TBC1D7: variants seen among roughly 807,000 people sequenced by gnomAD.
The protein encoded by TBC1D7 is TBC domain family 7.
A neutral mutation model predicts 35.3 loss-of-function variants in TBC1D7; 33 were observed. The ratio of observed to expected loss-of-function variants is 0.93; its 90% CI spans 0.71 to 1.25. The LOEUF (loss-of-function observed/expected upper bound fraction) is 1.25. Among genes scored for constraint, TBC1D7 ranks in the 50% most tolerant of loss-of-function variants. The probability of loss-of-function intolerance (pLI) is 0.00; values close to 1 mark genes in which losing one functional copy is unlikely to be tolerated. For synonymous variants in TBC1D7, 135 were observed against 129.5 expected, an observed-to-expected ratio of 1.04 and a Z score of -0.29; for missense variants, 362 against 365.3, an observed-to-expected ratio of 0.99 and a Z score of 0.07.
intron 6 of TBC1D7, 103 bp from the exon 7 acceptor site, chr6:13,306,630 G>T: frequency 1.0e-6 from 1 of 971,532 alleles, no homozygotes; most frequent in Non-Finnish European, 1.4e-6. Context: ...CCAATTTTAT[G>T]TAAAAGCTTC....
chr6:13,310,331 T>C (rs1783104075), intron 5 of TBC1D7, among the ~76,000 whole-genome samples: 1 of 152,170 alleles, frequency 6.6e-6, no homozygotes. Context: ...ACAGTATGAA[T>C]ATATTAACCT....
chr6:13,324,822 G>A (rs895530242), intron 3 of TBC1D7, among the ~76,000 whole-genome samples: 2 of 152,124 alleles, frequency 1.3e-5, no homozygotes, highest in African/African-American at 2.4e-5. Flanking sequence ...CTTCCTCCAG[G>A]TTACCCAGCT....
chr6:13,316,468 G>A, intron 5 of TBC1D7, 103 bp downstream of exon 5: 1 of 1,230,810 alleles, frequency 8.1e-7, no homozygotes, highest in South Asian at 1.4e-5. Flanking sequence ...ACTATAAAGG[G>A]TTATTCAGAA....
intron 4 of TBC1D7, among the ~76,000 whole-genome samples, chr6:13,317,845 G>T (rs1340260716): frequency 6.6e-6 from 1 of 152,232 alleles, no homozygotes; most frequent in Admixed American, 6.5e-5. Flanking sequence ...ATTAAAAAAT[G>T]AGGCAGAGTG....
intron 5 of TBC1D7, 59 bp from the exon 6 acceptor site, chr6:13,307,804 TTA>T: frequency 6.6e-7 from 1 of 1,520,758 alleles, no homozygotes; most frequent in Non-Finnish European, 9.0e-7. Context: ...TCATCTGATA[TTA>T]TAGTCTCTGA....
chr6:13,320,812 C>A (rs967959538), intron 4 of TBC1D7, 96 bp downstream of exon 4: 1 of 1,222,804 alleles, frequency 8.2e-7, no homozygotes, highest in Non-Finnish European at 1.2e-6. Context: ...CAGGGAGCCA[C>A]CAAAAGTTTT....
rs1440193851 is a variant in TBC1D7, at chr6:13,325,158, A to G, written c.129T>C (p.Cys43=). Residue 43 remains cysteine (C), a synonymous_variant, in exon 3 of 8, where the codon TGT becomes TGC. Coordinates refer to ENST00000379300, the MANE Select transcript of TBC1D7 (RefSeq NM_016495.6). ...KDDRLDTEKL[C]TFSQRFPLPS... ...GGAGAGGGAACCTCTGACTAAAAGT[A>G]CAAAGTTTCTCAGTATCTAGAGGAA... The G allele has an allele frequency of 3.1e-6, 5 of 1,613,618 alleles. No homozygotes were observed. The highest frequency in any genetic ancestry group is 4.2e-6 in the Non-Finnish European group (5 of 1,179,564).
chr6:13,319,170 C>G (rs2439551), intron 4 of TBC1D7: 40,295 of 152,168 alleles, frequency 0.26, 5,603 homozygotes, highest in South Asian at 0.42. Flanking sequence ...GACTGAAGAA[C>G]TGTTCCAGGC....
chr6:13,313,438 A>G (rs1783374023), intron 5 of TBC1D7, among the ~76,000 whole-genome samples: 1 of 152,250 alleles, frequency 6.6e-6, no homozygotes, highest in African/African-American at 2.4e-5. Flanking sequence ...ATAAATTGAT[A>G]TGGCCTTTGG....
chr6:13,307,798 C>G, intron 5 of TBC1D7, 53 bp from the exon 6 acceptor site: 1 of 1,546,150 alleles, frequency 6.5e-7, no homozygotes, highest in Non-Finnish European at 8.9e-7. Flanking sequence ...ATAACATCAT[C>G]TGATATTATA....
chr6:13,312,631 G>A (rs889306571), intron 5 of TBC1D7, among the ~76,000 whole-genome samples: 19 of 150,408 alleles, frequency 1.3e-4, no homozygotes, highest in Non-Finnish European at 2.5e-4. Flanking sequence ...GGCAGAGGTT[G>A]CAGTGAGCTG....
intron 3 of TBC1D7, among the ~76,000 whole-genome samples, chr6:13,324,133 G>GT (rs200699999): frequency 6.1e-4 from 89 of 146,368 alleles, no homozygotes; most frequent in East Asian, 8.0e-4. Context: ...TTTGTTTTTT[G>GT]TTTTTTTTTT....
intron 2 of TBC1D7, among the ~76,000 whole-genome samples, chr6:13,325,864 T>C (rs1166029397): frequency 6.6e-6 from 1 of 152,172 alleles, no homozygotes; most frequent in Non-Finnish European, 1.5e-5. Flanking sequence ...CAAACTAACA[T>C]AGCTATTAAG....
intron 3 of TBC1D7, among the ~76,000 whole-genome samples, chr6:13,323,466 T>C (rs1351753317): frequency 1.3e-5 from 2 of 152,152 alleles, no homozygotes; most frequent in Non-Finnish European, 2.9e-5. Flanking sequence ...ACAACTCCCA[T>C]TAATCCACTG....
At position 13,305,178 on chromosome 6, in the gene TBC1D7, C is replaced by T. The variant is rs1782725290; in HGVS notation, c.805G>A (p.Asp269Asn). Reference protein sequence around the residue: ...ITKFLENIPQDSSDAIVSKAI... With the variant: ...ITKFLENIPQNSSDAIVSKAI... The stretch of plus-strand genomic sequence containing the variant: ...TTGCTCACGATCGCGTCTGAGCTGT[C>T]CTGGGGAATCTGTGGGCAAGCAAAT... The change falls in exon 8 of 8, where the codon GAC (aspartate) becomes AAC (asparagine). Residue 269 changes from aspartate (D) to asparagine (N), a missense_variant. Asp to Asn is a conservative substitution (Grantham distance 23). Transcript: ENST00000379300. 2 of 1,614,168 alleles carry T rather than the reference C, an allele frequency of 1.2e-6. No homozygotes were observed. Among genetic ancestry groups the T allele is most frequent in the Non-Finnish European group, 1.7e-6 (2 of 1,180,034 alleles).
In TBC1D7 at chr6:13,316,598, G is replaced by C. The variant is rs1783639636; in HGVS notation, c.492C>G (p.Thr164=). 6.2e-7 allele frequency: 1 copy of C among 1,612,642 alleles called. No individual in the cohort carries two copies. The highest frequency in any genetic ancestry group is 8.5e-7 in the Non-Finnish European group (1 of 1,179,818). ...ACTGGGGCAAGGAATCCCGGTACTT[G>C]GTATTTAATTGGTTCACAAAGCGTC... ...ITRRFVNQLN[T]KYRDSLPQLP... Residue 164 remains threonine (T), a synonymous_variant, in exon 5 of 8, where the codon ACC becomes ACG. Transcript: ENST00000379300.
At chr6:13,311,680 A>C (rs891046031) in intron 5 of TBC1D7, among the ~76,000 whole-genome samples, 3 of 152,212 alleles carry the variant, frequency 2.0e-5, no homozygotes, top group Non-Finnish European at 4.4e-5. Context: ...CACAAAAAGA[A>C]GCCCCATTTT....
Position 13,325,008 on chromosome 6 carries a change from T to C in TBC1D7, c.193+86A>G, listed in dbSNP as rs1471991842. 7 of 1,016,198 alleles carry C rather than the reference T, an allele frequency of 6.9e-6. No individual in the cohort carries two copies. In the East Asian group the frequency reaches 1.7e-4, roughly 25 times the overall value. 62.9% of individuals were successfully genotyped at this position (1,016,198 alleles called of 1,614,324 possible). On this transcript the variant is annotated intron_variant, in intron 3 of 7. Coordinates refer to ENST00000379300, the MANE Select transcript of TBC1D7 (RefSeq NM_016495.6). ...TATTCAGTAAAAGGCCTAAACAAAT[T>C]CTCCTTTTTCTGACTGATAAGATAG...
At chr6:13,323,954 T>C (rs1784229695) in intron 3 of TBC1D7, among the ~76,000 whole-genome samples, 1 of 152,188 alleles carries the variant, frequency 6.6e-6, no homozygotes. Flanking sequence ...AGGATACCAA[T>C]ACCTGCCTCA....
Sources: gnomAD v4.1 joint callset for allele counts (sites outside exome capture counted in the v4.1 genomes callset) on GRCh38, gnomAD v4.1.1 for gene constraint, MANE v1.5 for transcripts, NCBI Gene and HGNC (gene_info 2026-07-23, HGNC 2026-07-21) for gene names.